ATAD2: variants seen among roughly 807,000 people sequenced by gnomAD.
ATAD2 encodes ATPase family AAA domain-containing protein 2.
In ATAD2, 62 loss-of-function variants were observed where a neutral mutation model predicts 168.9. That is an observed-to-expected ratio of 0.37 (90% CI 0.30 to 0.45). ATAD2 has a LOEUF of 0.45. Among genes scored for constraint, ATAD2 ranks in the 20% least tolerant of loss-of-function variants. The probability of loss-of-function intolerance (pLI) is 1.00; values close to 1 mark genes in which losing one functional copy is unlikely to be tolerated. For missense variants in ATAD2, 1,419 were observed against 1,667.8 expected (o/e 0.85, Z 2.60); for synonymous variants, 613 against 571.6 (o/e 1.07, Z -1.03).
chr8:123,345,957 T>C (rs762130756), intron 18 of ATAD2, 129 bp downstream of exon 18: 42 of 676,420 alleles, frequency 6.2e-5, no homozygotes, highest in Non-Finnish European at 9.6e-5. Flanking sequence ...CAATCATGCA[T>C]AACTCTGTTT....
rs71310667 is a variant in ATAD2 at position 123,333,231 on chromosome 8, C to CAAAAAAAAAAA, written c.3478+636_3478+646dup. Among the ~76,000 whole-genome samples the CAAAAAAAAAAA allele has an allele frequency of 2.0e-4, 9 of 43,992 alleles. 1 individual carries two copies. Among genetic ancestry groups the CAAAAAAAAAAA allele is most frequent in the East Asian group, 8.0e-4 (1 of 1,250 alleles). 28.9% of individuals were successfully genotyped at this position (43,992 alleles called of 152,430 possible). A position where few individuals can be genotyped will look rare whatever the true frequency, so the allele number is the denominator to read the frequency against. On this transcript the variant is annotated intron_variant, in intron 24 of 27. Transcript: ENST00000287394. ...GTGAAACCCCGTCTCTCTAAAAATA[C>CAAAAAAAAAAA]AAAAAAAAAAAAAAAAAAAAAAAAA...
At chr8:123,371,976 T>C in intron 3 of ATAD2, 141 bp from the exon 4 acceptor site, 3 of 881,886 alleles carry the variant, frequency 3.4e-6, no homozygotes, top group Non-Finnish European at 1.6e-6. Context: ...CTTAAAAACA[T>C]CAGAAAACAA....
intron 4 of ATAD2, 98 bp from the exon 5 acceptor site, chr8:123,371,436 G>T: frequency 6.1e-6 from 6 of 982,670 alleles, no homozygotes; most frequent in Non-Finnish European, 4.4e-6. Context: ...TGGCACTAAG[G>T]TTTTAAATAT....
At chr8:123,409,741 G>T (rs866076174) in intron 1 of ATAD2, among the ~76,000 whole-genome samples, 1 of 151,964 alleles carries the variant, frequency 6.6e-6, no homozygotes, top group South Asian at 2.1e-4. Flanking sequence ...GCTGAGGCAG[G>T]TGGATCACCT....
chr8:123,371,370 A>G (rs568854461), intron 4 of ATAD2, 32 bp from the exon 5 acceptor site: 2 of 1,525,754 alleles, frequency 1.3e-6, no homozygotes, highest in East Asian at 2.3e-5. Context: ...GTAAGTGAAA[A>G]TTGTAAAAGA....
chr8:123,325,260 C>T (rs1179595437), intron 26 of ATAD2, among the ~76,000 whole-genome samples: 1 of 150,680 alleles, frequency 6.6e-6, no homozygotes, highest in Non-Finnish European at 1.5e-5. Flanking sequence ...CCACACCTAA[C>T]TAATTTTTTG....
Position 123,328,183 on chromosome 8 carries a change from G to T in ATAD2, c.3868+7C>A. On this transcript the variant is annotated splice_region_variant and intron_variant, in intron 25 of 27. Coordinates refer to ENST00000287394, the MANE Select transcript of ATAD2 (RefSeq NM_014109.4). ...TCAGTAAATTATTTTAATTGAAAAA[G>T]ACGTACCTTTTCCTTCATTTTCATC... 7.3e-7 allele frequency: 1 copy of T among 1,369,216 alleles called. No individual in the cohort carries two copies. Among genetic ancestry groups the T allele is most frequent in the South Asian group, 2.3e-5 (1 of 44,330 alleles). The allele number at this position is 1,369,216 out of a possible 1,614,324, so 84.8% of individuals were successfully genotyped here.
Position 123,353,840 on chromosome 8 carries a change from A to C in ATAD2, c.1646+2549T>G, listed in dbSNP as rs575617858. ...ATATTTGCAATTCAAAGTAAAGACT[A>C]TCAGGGTTTCAGGTCAAGTGGGTGG... On this transcript the variant is annotated intron_variant, in intron 13 of 27. Coordinates refer to ENST00000287394, the MANE Select transcript of ATAD2 (RefSeq NM_014109.4). 3.9e-5 allele frequency among the ~76,000 whole-genome samples: 6 copies of C among 152,308 alleles called. No homozygotes were observed. In the South Asian group the frequency reaches 1.2e-3, roughly 32 times the overall value.
upstream of ATAD2, among the ~76,000 whole-genome samples, chr8:123,398,511 G>A (rs778832508): frequency 4.0e-5 from 6 of 151,336 alleles, no homozygotes; most frequent in African/African-American, 7.3e-5. Context: ...GATTACAGGC[G>A]TGAGCTACCG....
intron 1 of ATAD2, among the ~76,000 whole-genome samples, chr8:123,387,939 A>C (rs570133143): frequency 5.4e-4 from 83 of 152,338 alleles, no homozygotes; most frequent in Non-Finnish European, 1.1e-3. Context: ...TGTACTCAAC[A>C]CAAATTTAGG....
intron 1 of ATAD2, among the ~76,000 whole-genome samples, chr8:123,410,060 C>T (rs1421055201): frequency 1.3e-5 from 2 of 151,588 alleles, no homozygotes; most frequent in African/African-American, 4.8e-5. Context: ...TCTCCTTTTA[C>T]ATGTCTGTGG....
rs1441316527 is a variant in ATAD2 at position 123,346,114 on chromosome 8, G to A, written c.2504C>T (p.Thr835Ile). ...LDIPVLFGVS[T>I]TSPEETCAQV... is the part of the protein sequence containing the mutation. ...GGCACATGTTTCTTCAGGGGATGTA[G>A]TACTAACTCCAAAAAGAACAGGAAT... is the stretch of plus-strand genomic sequence containing the variant. Residue 835 changes from threonine to isoleucine, a missense_variant, in exon 18 of 28, where the codon ACT becomes ATT. Physicochemically the swap from Thr to Ile is moderately conservative, Grantham distance 89. Around this residue, in one of 5 missense-constraint regions of ATAD2, gnomAD observed 545 missense variants for 724.9 expected, o/e 0.75. Transcript: ENST00000287394. 2 of 1,587,324 alleles carry A rather than the reference G, an allele frequency of 1.3e-6. No individual in the cohort carries two copies. Among genetic ancestry groups the A allele is most frequent in the African/African-American group, 1.4e-5 (1 of 72,950 alleles).
chr8:123,408,612 G>T (rs1307655203), intron 1 of ATAD2, among the ~76,000 whole-genome samples: 1 of 152,186 alleles, frequency 6.6e-6, no homozygotes, highest in Non-Finnish European at 1.5e-5. Context: ...CGCCTCTGGG[G>T]TTCAAGCTAT....
At chr8:123,391,346 A>G (rs1415743762) in intron 1 of ATAD2, among the ~76,000 whole-genome samples, 1 of 152,024 alleles carries the variant, frequency 6.6e-6, no homozygotes, top group Admixed American at 6.6e-5. Context: ...GGAAAAAACA[A>G]AAACACAAAT....
chr8:123,330,807 A>C (rs1827756918), intron 24 of ATAD2, among the ~76,000 whole-genome samples: 1 of 152,222 alleles, frequency 6.6e-6, no homozygotes, highest in South Asian at 2.1e-4. Flanking sequence ...TTCTTATAGC[A>C]ATCTTGCATC....
At chr8:123,365,715 C>T (rs763822929) in intron 8 of ATAD2, among the ~76,000 whole-genome samples, 1 of 152,078 alleles carries the variant, frequency 6.6e-6, no homozygotes, top group Non-Finnish European at 1.5e-5. Context: ...TGGGTAGCCA[C>T]ATGTAGGAGA....
upstream of ATAD2, among the ~76,000 whole-genome samples, chr8:123,399,829 G>A (rs1404864476): frequency 1.3e-5 from 2 of 148,864 alleles, no homozygotes; most frequent in Non-Finnish European, 1.5e-5. Flanking sequence ...ACTCCAGCTT[G>A]GGCAACAAGA....
At chr8:123,381,935 A>G (rs932241236) in intron 1 of ATAD2, among the ~76,000 whole-genome samples, 1 of 152,108 alleles carries the variant, frequency 6.6e-6, no homozygotes, top group Non-Finnish European at 1.5e-5. Context: ...AATCCCAGCT[A>G]CTTGGGAGGC....
chr8:123,333,555 A>G (rs1827836921), intron 24 of ATAD2, among the ~76,000 whole-genome samples: 1 of 152,210 alleles, frequency 6.6e-6, no homozygotes, highest in Non-Finnish European at 1.5e-5. Context: ...CTGCCAAGGA[A>G]GGCAGGCCTT....
Sources: gnomAD v4.1 joint callset for allele counts (sites outside exome capture counted in the v4.1 genomes callset) on GRCh38, gnomAD v4.1.1 for gene constraint, gnomAD v4.1.1 regional missense constraint, MANE v1.5 for transcripts, NCBI Gene and HGNC (gene_info 2026-07-23, HGNC 2026-07-21) for gene names.